The following NELL1 variants were observed in gnomAD, a reference collection of about 807,000 sequenced individuals.
The protein encoded by NELL1 is protein kinase C-binding protein NELL1.
NELL1 carries 76 observed loss-of-function variants against 107.4 expected under a neutral mutation model. The observed-to-expected ratio is 0.71, with a 90% CI of 0.59 to 0.86. The LOEUF (loss-of-function observed/expected upper bound fraction) is 0.86, where lower values mean the gene tolerates loss of function less well. Ranked by LOEUF, NELL1 falls within the 40% of genes least tolerant of loss-of-function variation. The probability of loss-of-function intolerance (pLI) is 0.00; values close to 1 mark genes in which losing one functional copy is unlikely to be tolerated. For missense variants in NELL1, 1,024 were observed against 1,005.5 expected, an observed-to-expected ratio of 1.02 and a Z score of -0.25; for synonymous variants, 353 against 341.2, an observed-to-expected ratio of 1.03 and a Z score of -0.38.
chr11:21,256,114 T>C (rs546340049), intron 14 of NELL1, among the ~76,000 whole-genome samples: 1 of 152,126 alleles, frequency 6.6e-6, no homozygotes, highest in Admixed American at 6.6e-5. Flanking sequence ...TAGCATACCA[T>C]CTGGTCCATA....
intron 15 of NELL1, among the ~76,000 whole-genome samples, chr11:21,434,281 A>T (rs1283158927): frequency 1.3e-5 from 2 of 152,078 alleles, no homozygotes; most frequent in African/African-American, 4.8e-5. Context: ...CAATGTTCTG[A>T]AGCATTTCCT....
intron 14 of NELL1, among the ~76,000 whole-genome samples, chr11:21,278,829 G>A (rs76562132): frequency 0.019 from 2,899 of 152,194 alleles, 100 homozygotes; most frequent in African/African-American, 0.066. Context: ...AACCAACAGA[G>A]TACTAAAGGA....
chr11:20,669,716 C>G lies in NELL1; in HGVS notation c.-8C>G, dbSNP rs752012173. 3.1e-6 allele frequency: 5 copies of G among 1,613,222 alleles called. No homozygotes were observed. The South Asian group carries it at 5.5e-5, about 18-fold the overall frequency. Reference sequence around the variant, plus strand: ...GTGCCCCCTGCTAGGCGGGGACCCTCGAGAGCGATGCCGATGGATTTGATT... The same window carrying G: ...GTGCCCCCTGCTAGGCGGGGACCCTGGAGAGCGATGCCGATGGATTTGATT... On this transcript the variant is annotated 5_prime_UTR_variant, in exon 1 of 20. Transcript: ENST00000357134. This position sits in a 1 kb window ranked among gnomAD's most constrained non-coding sequence, Gnocchi z 4.4.
At chr11:20,863,429 G>A (rs1056689756) in intron 4 of NELL1, among the ~76,000 whole-genome samples, 1 of 118,442 alleles carries the variant, frequency 8.4e-6, no homozygotes, top group Non-Finnish European at 2.0e-5. Context: ...CTTCCCAGAA[G>A]GGGTGGCTGC....
chr11:20,971,356 G>C (rs998167142), intron 12 of NELL1, among the ~76,000 whole-genome samples: 7 of 151,820 alleles, frequency 4.6e-5, no homozygotes, highest in Non-Finnish European at 1.0e-4. Context: ...AAGAGAAGAA[G>C]AAAAAAACAG....
chr11:20,989,340 G>C (rs1338440915), intron 12 of NELL1, among the ~76,000 whole-genome samples: 3 of 152,090 alleles, frequency 2.0e-5, no homozygotes, highest in African/African-American at 7.2e-5. Context: ...CCAATTCTGG[G>C]CTGGAAAATC....
Position 20,799,540 on chromosome 11 carries a change from C to T in NELL1, c.335+15710C>T, listed in dbSNP as rs963005220. Among the ~76,000 whole-genome samples, 3 of 152,250 alleles carry T rather than the reference C, an allele frequency of 2.0e-5. No individual in the cohort carries two copies. In the South Asian group the frequency reaches 6.2e-4, roughly 32 times the overall value. The stretch of plus-strand genomic sequence containing the variant: ...CTAAAGGACATTTTAGTTCTCCTTT[C>T]CCCCTTCTTATTGATTGACTTGATT... On this transcript the variant is annotated intron_variant, in intron 3 of 19. Coordinates refer to ENST00000357134, the MANE Select transcript of NELL1 (RefSeq NM_006157.5).
chr11:21,350,024 A>G (rs1850769885), intron 14 of NELL1, among the ~76,000 whole-genome samples: 1 of 152,174 alleles, frequency 6.6e-6, no homozygotes, highest in Non-Finnish European at 1.5e-5. Flanking sequence ...AAAATCTGAT[A>G]GATGATAGGA....
chr11:21,284,488 G>A (rs1190512093), intron 14 of NELL1: 1 of 459,526 alleles, frequency 2.2e-6, no homozygotes, highest in Admixed American at 2.3e-5. Context: ...TCTTCCTCCA[G>A]TGCTGTGGGG....
intron 12 of NELL1, among the ~76,000 whole-genome samples, chr11:20,975,623 T>C (rs1446831086): frequency 2.1e-5 from 3 of 141,934 alleles, no homozygotes; most frequent in Admixed American, 7.2e-5. Context: ...CATATGTAGA[T>C]ATAATACATA....
chr11:20,769,932 A>G (rs944689131), intron 2 of NELL1, among the ~76,000 whole-genome samples: 1 of 152,182 alleles, frequency 6.6e-6, no homozygotes, highest in Admixed American at 6.5e-5. Context: ...GATGATACCC[A>G]AGTAGAAAAG....
rs940186244 is a variant in NELL1 at position 21,094,017 on chromosome 11, C to T, written c.1301-19572C>T. The stretch of plus-strand genomic sequence containing the variant: ...TAGCATTAACTCAAAAGTCCACAGT[C>T]GAAAGTCTCATCTGAGACAAGACAA... On this transcript the variant is annotated intron_variant, in intron 12 of 19. Transcript: ENST00000357134. 3.3e-5 allele frequency among the ~76,000 whole-genome samples: 5 copies of T among 152,122 alleles called. No homozygotes were observed. In the East Asian group the frequency reaches 5.8e-4, roughly 18 times the overall value.
At chr11:21,050,186 A>C (rs952189591) in intron 12 of NELL1, among the ~76,000 whole-genome samples, 1 of 152,102 alleles carries the variant, frequency 6.6e-6, no homozygotes. Context: ...TTAGCACATG[A>C]GATAATATGT....
chr11:20,688,260 G>A (rs958145808), intron 2 of NELL1, among the ~76,000 whole-genome samples: 1 of 151,972 alleles, frequency 6.6e-6, no homozygotes, highest in African/African-American at 2.4e-5. Flanking sequence ...GATTCAGAGG[G>A]TACATGTGCA....
chr11:21,534,954 T>G (rs529083404), intron 16 of NELL1, among the ~76,000 whole-genome samples: 1 of 152,288 alleles, frequency 6.6e-6, no homozygotes, highest in South Asian at 2.1e-4. Context: ...TCTCTAATCC[T>G]TCATCTGTGT....
chr11:20,687,359 G>T (rs1854332007), intron 2 of NELL1, among the ~76,000 whole-genome samples: 4 of 151,738 alleles, frequency 2.6e-5, no homozygotes, highest in Admixed American at 2.6e-4. Flanking sequence ...TGAATTTTTG[G>T]TCTCAGTATG....
chr11:21,399,707 G>A (rs930220476), intron 15 of NELL1, among the ~76,000 whole-genome samples: 7 of 151,688 alleles, frequency 4.6e-5, no homozygotes, highest in African/African-American at 4.8e-5. Flanking sequence ...GGTGGAATAC[G>A]GCAGACCTAG....
At chr11:20,916,570 A>G (rs905390428) in intron 5 of NELL1, among the ~76,000 whole-genome samples, 12 of 151,824 alleles carry the variant, frequency 7.9e-5, no homozygotes, top group Admixed American at 4.6e-4. Flanking sequence ...CTTCTGATGA[A>G]CAGGTATGGA....
chr11:21,399,422 G>T (rs773210140), intron 15 of NELL1, among the ~76,000 whole-genome samples: 1 of 151,694 alleles, frequency 6.6e-6, no homozygotes, highest in Non-Finnish European at 1.5e-5. Flanking sequence ...CCTTTGAATT[G>T]TTATTTCAAC....
Sources: gnomAD v4.1 joint callset for allele counts (sites outside exome capture counted in the v4.1 genomes callset) on GRCh38, gnomAD v4.1.1 for gene constraint, Gnocchi (gnomAD v3.1) non-coding constraint, MANE v1.5 for transcripts, NCBI Gene and HGNC (gene_info 2026-07-23, HGNC 2026-07-21) for gene names.